Variants in AGBL1 observed in about 807,000 individuals in gnomAD.
The protein encoded by AGBL1 is cytosolic carboxypeptidase 4.
AGBL1 carries 130 observed loss-of-function variants against 118.9 expected under a neutral mutation model. The ratio of observed to expected loss-of-function variants is 1.09; its 90% CI spans 0.95 to 1.26. The LOEUF (loss-of-function observed/expected upper bound fraction) is 1.26, where lower values mean the gene tolerates loss of function less well. Among genes scored for constraint, AGBL1 ranks in the 50% most tolerant of loss-of-function variants. The pLI is 0.00. For synonymous variants in AGBL1, 555 were observed against 478.9 expected (o/e 1.16, Z -2.08); for missense variants, 1,584 against 1,298.1 (o/e 1.22, Z -3.38).
intron 19 of AGBL1, among the ~76,000 whole-genome samples, chr15:86,544,679 C>T (rs1243583449): frequency 5.9e-5 from 9 of 152,126 alleles, no homozygotes; most frequent in Non-Finnish European, 1.5e-5. Context: ...TGGCAAAGAC[C>T]TACCCCCATG....
chr15:86,544,616 C>G (rs910291944), intron 19 of AGBL1, among the ~76,000 whole-genome samples: 2 of 152,104 alleles, frequency 1.3e-5, no homozygotes, highest in African/African-American at 4.8e-5. Context: ...GGGAATTCCC[C>G]TTTATAAAAC....
chr15:87,026,357 T>A (rs1380385385), intron 24 of AGBL1, among the ~76,000 whole-genome samples: 4 of 151,628 alleles, frequency 2.6e-5, no homozygotes, highest in Non-Finnish European at 5.9e-5. Flanking sequence ...AATAGACAAT[T>A]CTCGAAGATA....
chr15:86,549,818 AGAAG>A (rs915882524), intron 20 of AGBL1, among the ~76,000 whole-genome samples: 2 of 144,692 alleles, frequency 1.4e-5, no homozygotes, highest in Non-Finnish European at 3.0e-5. Flanking sequence ...TAGAACAGAA[AGAAG>A]GAAGGAAGGA....
rs1567146229 is a variant in AGBL1, at chr15:86,236,934, GGGGGGGGC to G, written c.527-10729_527-10722del. On this transcript the variant is annotated intron_variant, in intron 6 of 22. Transcript: ENST00000614907. ...CCACACACACGGGGATATGTGGGCGGGGGGGGGCGGGGGGGGGCGGGGGGGCGCCAAGT... is the reference window on the plus strand; with the variant it reads ...CCACACACACGGGGATATGTGGGCGGGGGGGGGGGCGGGGGGGCGCCAAGT... Among the ~76,000 whole-genome samples the G allele has an allele frequency of 1.5e-3, 67 of 45,854 alleles. 1 individual carries two copies. Among genetic ancestry groups the G allele is most frequent in the Non-Finnish European group, 2.9e-3 (54 of 18,448 alleles). 30.1% of individuals were successfully genotyped at this position (45,854 alleles called of 152,430 possible). A position where few individuals can be genotyped will look rare whatever the true frequency, so the allele number is the denominator to read the frequency against.
At chr15:86,490,171 A>ACACTTGAG (rs1243611155) in intron 18 of AGBL1, among the ~76,000 whole-genome samples, 2 of 152,004 alleles carry the variant, frequency 1.3e-5, no homozygotes, top group African/African-American at 2.4e-5. Flanking sequence ...TGTTATCTTT[A>ACACTTGAG]CACTTGAGAA....
rs148138969 is a variant in AGBL1, at chr15:86,361,731, T to C, written c.2375-35635T>C. On this transcript the variant is annotated intron_variant, in intron 17 of 22. Transcript: ENST00000614907. The stretch of plus-strand genomic sequence containing the variant: ...TGTTTTTTGACAATATTTTTTGTAT[T>C]AGTCTACTTTGTTTGATATAAGTAT... Among the ~76,000 whole-genome samples the C allele has an allele frequency of 5.5e-3, 835 of 152,290 alleles. 34 individuals carry two copies. The highest frequency in any genetic ancestry group is 0.046 in the Admixed American group (711 of 15,306).
At chr15:86,428,965 A>G (rs937108553) in intron 18 of AGBL1, among the ~76,000 whole-genome samples, 2 of 152,186 alleles carry the variant, frequency 1.3e-5, no homozygotes, top group African/African-American at 2.4e-5. Context: ...TGTCTTTGGG[A>G]CCAGTGCTAC....
At chr15:86,748,142 T>G (rs1596444083) in intron 22 of AGBL1, among the ~76,000 whole-genome samples, 1 of 152,168 alleles carries the variant, frequency 6.6e-6, no homozygotes, top group East Asian at 1.9e-4. Context: ...CAGCACCTGT[T>G]GTTTCCTGAC....
At chr15:86,258,907 G>A (rs1041207125) in intron 9 of AGBL1, among the ~76,000 whole-genome samples, 8 of 152,086 alleles carry the variant, frequency 5.3e-5, no homozygotes, top group South Asian at 4.1e-4. Context: ...GGATTTCACC[G>A]TATTGGCCAG....
chr15:86,811,316 A>G (rs147083092), intron 22 of AGBL1, among the ~76,000 whole-genome samples: 1,799 of 152,256 alleles, frequency 0.012, 24 homozygotes, highest in Middle Eastern at 0.061. Context: ...AACTCGGAGG[A>G]GGATGAAAGA....
At chr15:86,155,179 A>C (rs945212788) in intron 4 of AGBL1, among the ~76,000 whole-genome samples, 16 of 152,222 alleles carry the variant, frequency 1.1e-4, no homozygotes, top group African/African-American at 3.9e-4. Flanking sequence ...TTTAAAGAGT[A>C]AAGCAGGGCC....
At chr15:86,694,869 G>C (rs1177177776) in intron 22 of AGBL1, among the ~76,000 whole-genome samples, 1 of 151,730 alleles carries the variant, frequency 6.6e-6, no homozygotes, top group Non-Finnish European at 1.5e-5. Flanking sequence ...TTTTTGTTTT[G>C]AATTCTGTTT....
intron 21 of AGBL1, among the ~76,000 whole-genome samples, chr15:86,589,687 A>C (rs1332548116): frequency 6.6e-6 from 1 of 151,908 alleles, no homozygotes; most frequent in Non-Finnish European, 1.5e-5. Flanking sequence ...AATGGTTTGC[A>C]TTTTGCCCCA....
At chr15:86,130,766 T>A (rs537944808) in intron 1 of AGBL1, among the ~76,000 whole-genome samples, 9 of 152,236 alleles carry the variant, frequency 5.9e-5, no homozygotes, top group Non-Finnish European at 1.2e-4. Flanking sequence ...CTAGTCACTA[T>A]TGCTGGTAAG....
At chr15:86,871,413 T>TATTAGATCTCTGTAGTATC in intron 22 of AGBL1, among the ~76,000 whole-genome samples, 1 of 152,204 alleles carries the variant, frequency 6.6e-6, no homozygotes, top group Non-Finnish European at 1.5e-5. Context: ...GTCATAGTTT[T>TATTAGATCTCTGTAGTATC]ATTAGATCTC....
At chr15:86,497,554 C>A (rs1215547001) in intron 18 of AGBL1, among the ~76,000 whole-genome samples, 1 of 152,024 alleles carries the variant, frequency 6.6e-6, no homozygotes, top group South Asian at 2.1e-4. Flanking sequence ...TATTATGGGA[C>A]CTCACCCTTC....
Position 86,295,451 on chromosome 15 carries a change from G to T in AGBL1, c.2374+43G>T, listed in dbSNP as rs771466995. ...CTCTTCGTAGAAGATTTGACTAAGG[G>T]TGTCCTTTATAGTCTTGGAAGCATT... On this transcript the variant is annotated intron_variant, in intron 17 of 22. Coordinates refer to ENST00000614907, the MANE Select transcript of AGBL1 (RefSeq NM_001386094.1). 10 of 1,520,182 alleles carry T rather than the reference G, an allele frequency of 6.6e-6. No homozygotes were observed. In the African/African-American group the frequency reaches 1.4e-4, roughly 21 times the overall value. 94.2% of individuals were successfully genotyped at this position (1,520,182 alleles called of 1,614,324 possible).
At chr15:86,568,558 G>C (rs1380664467) in intron 21 of AGBL1, among the ~76,000 whole-genome samples, 1 of 152,230 alleles carries the variant, frequency 6.6e-6, no homozygotes, top group Non-Finnish European at 1.5e-5. Context: ...CATTAAATGT[G>C]TATTGGATTA....
At chr15:86,340,303 C>T (rs140612915) in intron 17 of AGBL1, among the ~76,000 whole-genome samples, 2 of 151,878 alleles carry the variant, frequency 1.3e-5, no homozygotes, top group Non-Finnish European at 2.9e-5. Context: ...TGCCCCCCCC[C>T]CATTCATGTC....
Sources: gnomAD v4.1 joint callset for allele counts (sites outside exome capture counted in the v4.1 genomes callset) on GRCh38, gnomAD v4.1.1 for gene constraint, MANE v1.5 for transcripts, NCBI Gene and HGNC (gene_info 2026-07-23, HGNC 2026-07-21) for gene names.